Variants in CSMD1 observed in about 807,000 individuals in gnomAD.
CSMD1 encodes the protein CUB and Sushi multiple domains 1.
In CSMD1, 213 loss-of-function variants were observed where a neutral mutation model predicts 417.5. The observed-to-expected ratio is 0.51, with a 90% CI of 0.46 to 0.57. The LOEUF is 0.57. Ranked by LOEUF, CSMD1 falls within the 20% of genes least tolerant of loss-of-function variation. The pLI is 0.00. For synonymous variants in CSMD1, 2,862 were observed against 1,736.8 expected (o/e 1.65, Z -16.11); for missense variants, 6,923 against 4,529.7 (o/e 1.53, Z -15.17).
intron 1 of CSMD1, among the ~76,000 whole-genome samples, chr8:4,927,623 A>G (rs77568491): frequency 0.039 from 5,937 of 152,306 alleles, 129 homozygotes; most frequent in Middle Eastern, 0.1. Context: ...CTGACGAAAG[A>G]CAACAGGCAG....
intron 7 of CSMD1, among the ~76,000 whole-genome samples, chr8:3,678,640 C>T (rs1799501334): frequency 1.3e-5 from 2 of 152,120 alleles, no homozygotes; most frequent in Non-Finnish European, 2.9e-5. Flanking sequence ...AAAACTTCCC[C>T]AACCTAGCAA....
rs1224300295 is a variant in CSMD1 at position 3,616,737 on chromosome 8, T to G, written c.1070A>C (p.Asn357Thr). ...GAAGTCGGAACCTGCTCTTCTACCA[T>G]TTTCTGGAATCCCAGGATCTGGACA... ...DMCPDPGIPE[N>T]GRRAGSDFRV... Residue 357 changes from asparagine to threonine, a missense_variant, in exon 8 of 70, where the codon AAT becomes ACT. Transcript: ENST00000635120. 1.9e-6 allele frequency: 3 copies of G among 1,612,350 alleles called. No individual in the cohort carries two copies. Among genetic ancestry groups the G allele is most frequent in the Non-Finnish European group, 1.7e-6 (2 of 1,178,948 alleles).
intron 3 of CSMD1, among the ~76,000 whole-genome samples, chr8:4,071,611 T>TTA (rs1203578177): frequency 2.6e-5 from 4 of 152,200 alleles, no homozygotes; most frequent in African/African-American, 9.6e-5. Flanking sequence ...TGGGGGCCTT[T>TTA]TAGTTTTTAA....
At chr8:3,662,725 A>C (rs1185893947) in intron 7 of CSMD1, among the ~76,000 whole-genome samples, 1 of 152,156 alleles carries the variant, frequency 6.6e-6, no homozygotes, top group Non-Finnish European at 1.5e-5. Flanking sequence ...CATTCTCAGC[A>C]AACTGACACA....
At chr8:4,357,509 T>C (rs1801498095) in intron 3 of CSMD1, among the ~76,000 whole-genome samples, 1 of 152,172 alleles carries the variant, frequency 6.6e-6, no homozygotes, top group Admixed American at 6.5e-5. Context: ...CCACAGTTCC[T>C]CTGCACTACC....
intron 3 of CSMD1, among the ~76,000 whole-genome samples, chr8:4,408,267 G>C (rs187380431): frequency 2.9e-4 from 44 of 152,232 alleles, no homozygotes; most frequent in African/African-American, 1.0e-3. Flanking sequence ...GGATATGAAA[G>C]AATATAAGGT....
chr8:4,210,764 T>G (rs2131286053), intron 3 of CSMD1, among the ~76,000 whole-genome samples: 1 of 152,310 alleles, frequency 6.6e-6, no homozygotes, highest in African/African-American at 2.4e-5. Context: ...ATGAAAGATC[T>G]TTTGAATTCA....
intron 5 of CSMD1, among the ~76,000 whole-genome samples, chr8:3,779,084 T>G (rs1477347933): frequency 6.6e-6 from 1 of 152,074 alleles, no homozygotes; most frequent in Non-Finnish European, 1.5e-5. Flanking sequence ...AAATGGAATG[T>G]AGGTTAAAAG....
intron 52 of CSMD1, among the ~76,000 whole-genome samples, chr8:3,009,933 T>C (rs1234967536): frequency 2.0e-5 from 3 of 152,206 alleles, no homozygotes; most frequent in Non-Finnish European, 4.4e-5. Context: ...AGGGCCATCA[T>C]TTGGACTGTC....
intron 5 of CSMD1, among the ~76,000 whole-genome samples, chr8:3,959,548 G>C (rs146209801): frequency 6.7e-4 from 102 of 152,264 alleles, no homozygotes; most frequent in Non-Finnish European, 1.1e-3. Context: ...AGAAAAGAGA[G>C]ACAAAGAGTT....
At chr8:4,041,048 G>A (rs1407270773) in intron 3 of CSMD1, among the ~76,000 whole-genome samples, 4 of 122,184 alleles carry the variant, frequency 3.3e-5, no homozygotes, top group East Asian at 2.4e-4. Flanking sequence ...ACGGAGTCTC[G>A]CTCTGTCGCC....
chr8:4,131,831 C>A (rs2552160), intron 3 of CSMD1, among the ~76,000 whole-genome samples: 35,315 of 143,944 alleles, frequency 0.25, 4,372 homozygotes, highest in East Asian at 0.31. Flanking sequence ...GGTGCGATCC[C>A]GGCTCACTGC....
chr8:4,363,677 C>T (rs777489517), intron 3 of CSMD1, among the ~76,000 whole-genome samples: 7 of 152,144 alleles, frequency 4.6e-5, no homozygotes, highest in Non-Finnish European at 7.3e-5. Flanking sequence ...AGCATTACAT[C>T]GCTCTGTGCC....
chr8:3,922,961 T>G (rs1809379746), intron 5 of CSMD1, among the ~76,000 whole-genome samples: 1 of 152,174 alleles, frequency 6.6e-6, no homozygotes. Context: ...CCCCTTGAGG[T>G]GTTCATCCAG....
chr8:4,252,632 A>G (rs1053164010), intron 3 of CSMD1, among the ~76,000 whole-genome samples: 1 of 152,242 alleles, frequency 6.6e-6, no homozygotes, highest in Non-Finnish European at 1.5e-5. Context: ...TATAGTCTCC[A>G]GAAGTAACAC....
chr8:3,317,036 T>A (rs1280231972), intron 23 of CSMD1, among the ~76,000 whole-genome samples: 1 of 151,970 alleles, frequency 6.6e-6, no homozygotes, highest in Non-Finnish European at 1.5e-5. Context: ...TTTTGCAAAT[T>A]GAGCCTGAGT....
chr8:4,506,947 G>T (rs532340977), intron 2 of CSMD1, among the ~76,000 whole-genome samples: 1 of 152,202 alleles, frequency 6.6e-6, no homozygotes, highest in East Asian at 1.9e-4. Context: ...TAAGGAGAAA[G>T]GTGATCGAAT....
chr8:3,434,895 T>C (rs994228390), intron 12 of CSMD1, among the ~76,000 whole-genome samples: 5 of 152,208 alleles, frequency 3.3e-5, no homozygotes, highest in Admixed American at 6.5e-5. Flanking sequence ...ATATCGGGAA[T>C]ACTTGTGATT....
intron 27 of CSMD1, among the ~76,000 whole-genome samples, chr8:3,228,075 T>G (rs1295040014): frequency 6.6e-6 from 1 of 152,164 alleles, no homozygotes; most frequent in Non-Finnish European, 1.5e-5. Flanking sequence ...GACTAAAACA[T>G]TTTAAAATGG....
Sources: allele counts gnomAD v4.1 joint callset (sites outside exome capture counted in the v4.1 genomes callset), GRCh38; gene constraint gnomAD v4.1.1; transcripts MANE v1.5; gene names NCBI Gene and HGNC (gene_info 2026-07-23, HGNC 2026-07-21).